The following GRID2 variants were observed in gnomAD, a reference collection of about 807,000 sequenced individuals.
GRID2 encodes glutamate receptor ionotropic, delta-2.
GRID2 carries 33 observed loss-of-function variants against 114.8 expected under a neutral mutation model. That is an observed-to-expected ratio of 0.29 (90% confidence interval 0.22 to 0.38). GRID2 has a LOEUF of 0.38. Ranked by LOEUF, GRID2 falls within the 10% of genes least tolerant of loss-of-function variation. The probability of loss-of-function intolerance (pLI) is 1.00; values close to 1 mark genes in which losing one functional copy is unlikely to be tolerated. For missense variants in GRID2, 1,184 were observed against 1,257.7 expected, an observed-to-expected ratio of 0.94 and a Z score of 0.89; for synonymous variants, 505 against 449.9, an observed-to-expected ratio of 1.12 and a Z score of -1.55.
chr4:92,723,741 T>C (rs1171879238), intron 2 of GRID2, among the ~76,000 whole-genome samples: 2 of 152,098 alleles, frequency 1.3e-5, no homozygotes, highest in Non-Finnish European at 2.9e-5. Context: ...TCTGCTAATA[T>C]AAGAAATAGG....
intron 2 of GRID2, among the ~76,000 whole-genome samples, chr4:92,970,928 T>C (rs1753468779): frequency 6.6e-6 from 1 of 151,814 alleles, no homozygotes; most frequent in African/African-American, 2.4e-5. Context: ...ATTGCATATA[T>C]ATATATATAC....
chr4:93,307,751 CTTA>C (rs1486374644), intron 8 of GRID2, among the ~76,000 whole-genome samples: 2 of 152,104 alleles, frequency 1.3e-5, no homozygotes, highest in Non-Finnish European at 2.9e-5. Context: ...TATTTCATAA[CTTA>C]TTATTAACCC....
intron 8 of GRID2, among the ~76,000 whole-genome samples, chr4:93,344,538 A>G (rs1267968713): frequency 6.6e-6 from 1 of 151,254 alleles, no homozygotes; most frequent in Non-Finnish European, 1.5e-5. Context: ...AAGCTAATTA[A>G]CATCTATTGT....
intron 8 of GRID2, among the ~76,000 whole-genome samples, chr4:93,392,145 C>T (rs568111027): frequency 2.6e-5 from 4 of 152,128 alleles, no homozygotes; most frequent in African/African-American, 9.6e-5. Context: ...CTGCAAGGGC[C>T]ATCTTTATTG....
chr4:92,780,269 GTTGTT>G, intron 2 of GRID2, among the ~76,000 whole-genome samples: 1 of 152,094 alleles, frequency 6.6e-6, no homozygotes, highest in East Asian at 1.9e-4. Flanking sequence ...TTGTTGTTGA[GTTGTT>G]TTGTTTTTAG....
At chr4:92,331,435 C>CCTTA (rs1726885148) in intron 1 of GRID2, among the ~76,000 whole-genome samples, 1 of 152,056 alleles carries the variant, frequency 6.6e-6, no homozygotes, top group Non-Finnish European at 1.5e-5. Flanking sequence ...AAAGAATTTG[C>CCTTA]CTTACATATT....
At chr4:93,464,716 A>C (rs762094894) in intron 11 of GRID2, among the ~76,000 whole-genome samples, 2 of 152,198 alleles carry the variant, frequency 1.3e-5, no homozygotes, top group African/African-American at 2.4e-5. Flanking sequence ...ATTTAACAAA[A>C]GATAAATGCA....
chr4:92,749,250 C>T (rs1737312992), intron 2 of GRID2, among the ~76,000 whole-genome samples: 1 of 151,398 alleles, frequency 6.6e-6, no homozygotes, highest in Admixed American at 6.6e-5. Flanking sequence ...GATCTGCCCG[C>T]CTCCCAAAGT....
intron 2 of GRID2, among the ~76,000 whole-genome samples, chr4:92,854,602 A>G (rs1025885666): frequency 6.6e-6 from 1 of 151,822 alleles, no homozygotes; most frequent in Non-Finnish European, 1.5e-5. Context: ...ACTTAGCCTT[A>G]AATTAGAATC....
intron 8 of GRID2, chr4:93,318,579 G>A (rs1476901779): frequency 6.6e-6 from 1 of 152,098 alleles, no homozygotes; most frequent in Non-Finnish European, 1.5e-5. Flanking sequence ...TAACTGCTCT[G>A]GAAGACTAGG....
chr4:92,938,283 T>C lies in GRID2; in HGVS notation c.245-146712T>C, dbSNP rs758990161. ...ATAAATTATCAGTTCTTATTTTTAGTTGGGATTCTTTTCTTATCAATAGCA... is the reference window on the plus strand; with the variant it reads ...ATAAATTATCAGTTCTTATTTTTAGCTGGGATTCTTTTCTTATCAATAGCA... On this transcript the variant is annotated intron_variant, in intron 2 of 15. Coordinates refer to ENST00000282020, the MANE Select transcript of GRID2 (RefSeq NM_001510.4). Among the ~76,000 whole-genome samples, 12 of 146,624 alleles carry C rather than the reference T, an allele frequency of 8.2e-5. 1 individual carries two copies. Among genetic ancestry groups the C allele is most frequent in the Non-Finnish European group, 1.7e-4 (11 of 66,232 alleles).
chr4:92,957,747 A>G (rs544235703), intron 2 of GRID2, among the ~76,000 whole-genome samples: 2 of 152,114 alleles, frequency 1.3e-5, no homozygotes, highest in African/African-American at 4.8e-5. Flanking sequence ...ATTGGGAAGA[A>G]TTGACATATT....
intron 3 of GRID2, among the ~76,000 whole-genome samples, chr4:93,092,952 T>A (rs1394796886): frequency 1.3e-5 from 2 of 151,954 alleles, no homozygotes; most frequent in African/African-American, 4.8e-5. Context: ...AGTAAGCATG[T>A]CCATTTTCAG....
chr4:93,652,883 A>G (rs935085078), intron 14 of GRID2, among the ~76,000 whole-genome samples: 4 of 152,008 alleles, frequency 2.6e-5, no homozygotes, highest in Admixed American at 2.6e-4. Context: ...AAGTGGCAGC[A>G]AATGAGCCTG....
chr4:93,536,581 G>T (rs1464903320), intron 13 of GRID2, among the ~76,000 whole-genome samples: 1 of 150,108 alleles, frequency 6.7e-6, no homozygotes, highest in African/African-American at 2.4e-5. Context: ...TAAACCTCCT[G>T]AAAGAAAATA....
chr4:92,533,295 T>TAC (rs374653397), intron 1 of GRID2, among the ~76,000 whole-genome samples: 3 of 151,796 alleles, frequency 2.0e-5, no homozygotes, highest in Non-Finnish European at 4.4e-5. Flanking sequence ...ATTCAACATT[T>TAC]ACACACACAC....
At chr4:92,817,194 T>G (rs1009426727) in intron 2 of GRID2, among the ~76,000 whole-genome samples, 2 of 152,132 alleles carry the variant, frequency 1.3e-5, no homozygotes, top group Non-Finnish European at 2.9e-5. Context: ...ACCCTTAAAA[T>G]TTTCTTTAAC....
chr4:92,613,211 G>A (rs1181215384), intron 2 of GRID2, among the ~76,000 whole-genome samples: 2 of 151,248 alleles, frequency 1.3e-5, no homozygotes. Context: ...CTGTTGAGAT[G>A]GTATGTTGCA....
chr4:92,351,618 T>A (rs1053083039), intron 1 of GRID2, among the ~76,000 whole-genome samples: 3 of 151,834 alleles, frequency 2.0e-5, no homozygotes, highest in Admixed American at 2.0e-4. Context: ...CCTATTTAGC[T>A]GTAAGTTTGT....
Sources: allele counts gnomAD v4.1 joint callset (sites outside exome capture counted in the v4.1 genomes callset), GRCh38; gene constraint gnomAD v4.1.1; transcripts MANE v1.5; gene names NCBI Gene and HGNC (gene_info 2026-07-23, HGNC 2026-07-21).